The following KCNIP4 variants were observed in gnomAD, a reference collection of about 807,000 sequenced individuals.
The protein encoded by KCNIP4 is Kv channel-interacting protein 4.
KCNIP4 carries 12 observed loss-of-function variants against 34.0 expected under a neutral mutation model. That is an observed-to-expected ratio of 0.35 (90% CI 0.23 to 0.57). The LOEUF is 0.57. KCNIP4 is among the 20% of genes least tolerant of loss of function. The probability of loss-of-function intolerance (pLI) is 0.83; values close to 1 mark genes in which losing one functional copy is unlikely to be tolerated. For synonymous variants in KCNIP4, 124 were observed against 102.2 expected (o/e 1.21, Z -1.29); for missense variants, 238 against 311.7 (o/e 0.76, Z 1.78).
intron 1 of KCNIP4, among the ~76,000 whole-genome samples, chr4:21,714,862 T>C (rs1716402035): frequency 0.012 from 2 of 172 alleles, no homozygotes; most frequent in Non-Finnish European, 0.018. Context: ...TTATTTTATT[T>C]TATTTTATTT....
At chr4:21,424,313 C>A (rs569022694) in intron 1 of KCNIP4, among the ~76,000 whole-genome samples, 115 of 151,820 alleles carry the variant, frequency 7.6e-4, no homozygotes, top group African/African-American at 2.8e-3. Flanking sequence ...TGGCTCATGC[C>A]TGTAATCCCT....
chr4:21,721,891 A>G (rs1221938918), intron 1 of KCNIP4, among the ~76,000 whole-genome samples: 2 of 152,224 alleles, frequency 1.3e-5, no homozygotes, highest in Non-Finnish European at 2.9e-5. Context: ...TCCAAATTAT[A>G]TGCTGTGTTC....
intron 1 of KCNIP4, among the ~76,000 whole-genome samples, chr4:21,234,330 A>AC (rs1326007268): frequency 1.1e-5 from 1 of 91,828 alleles, no homozygotes; most frequent in Non-Finnish European, 1.8e-5. Context: ...AACATATATA[A>AC]ATTATATATA....
chr4:20,958,841 T>A (rs1216225299), intron 1 of KCNIP4, among the ~76,000 whole-genome samples: 1 of 152,220 alleles, frequency 6.6e-6, no homozygotes, highest in Non-Finnish European at 1.5e-5. Flanking sequence ...TTCACCAGCA[T>A]GAATACCAGC....
At chr4:21,483,291 T>C (rs1037890152) in intron 1 of KCNIP4, among the ~76,000 whole-genome samples, 7 of 151,974 alleles carry the variant, frequency 4.6e-5, no homozygotes, top group Non-Finnish European at 8.8e-5. Flanking sequence ...TTTAAAATTC[T>C]TCATCAAATT....
Position 21,948,733 on chromosome 4 carries a change from C to A in KCNIP4, c.-102G>T. The A allele has an allele frequency of 7.8e-7, 1 of 1,274,628 alleles. No homozygotes were observed. The highest frequency in any genetic ancestry group is 1.0e-6 in the Non-Finnish European group (1 of 994,886). The allele number at this position is 1,274,628 out of a possible 1,614,324, so 79.0% of individuals were successfully genotyped here. ...AGCGCACCGCCGCTCGGCCCGGGGGCGTCCGTGGCGCTGGGAGCGAGAGCT... is the reference window on the plus strand; with the variant it reads ...AGCGCACCGCCGCTCGGCCCGGGGGAGTCCGTGGCGCTGGGAGCGAGAGCT... On this transcript the variant is annotated 5_prime_UTR_variant, in exon 1 of 9. Coordinates refer to ENST00000382152, the MANE Select transcript of KCNIP4 (RefSeq NM_025221.6).
intron 1 of KCNIP4, among the ~76,000 whole-genome samples, chr4:21,116,753 C>A (rs765920436): frequency 6.6e-6 from 1 of 152,132 alleles, no homozygotes; most frequent in Non-Finnish European, 1.5e-5. Flanking sequence ...CATGCCCTGC[C>A]CTGGTCAAAC....
intron 1 of KCNIP4, among the ~76,000 whole-genome samples, chr4:21,132,115 T>C (rs1288631657): frequency 6.6e-6 from 1 of 152,208 alleles, no homozygotes; most frequent in Non-Finnish European, 1.5e-5. Flanking sequence ...ATTTAAAATG[T>C]GAAAAAAAGA....
Position 21,400,514 on chromosome 4 carries a change from T to C in KCNIP4, c.62-517805A>G, listed in dbSNP as rs55732991. ...TCTCCCCTCCCTTCCCCTCCCTTCC[T>C]CTTCTCTTCTCTTCTCTTCTCTTCT... On this transcript the variant is annotated intron_variant, in intron 1 of 8. Coordinates refer to ENST00000382152, the MANE Select transcript of KCNIP4 (RefSeq NM_025221.6). Among the ~76,000 whole-genome samples the C allele has an allele frequency of 2.4e-3, 78 of 33,084 alleles. 4 individuals are homozygous for C. Among genetic ancestry groups the C allele is most frequent in the African/African-American group, 9.2e-3 (73 of 7,926 alleles). The allele number at this position is 33,084 out of a possible 152,430, so 21.7% of individuals were successfully genotyped here. A position where few individuals can be genotyped will look rare whatever the true frequency, so the allele number is the denominator to read the frequency against.
chr4:21,269,687 G>A (rs918827640), intron 1 of KCNIP4, among the ~76,000 whole-genome samples: 14 of 152,096 alleles, frequency 9.2e-5, no homozygotes, highest in Non-Finnish European at 1.3e-4. Flanking sequence ...GAGCCACTGC[G>A]CCCGCCCCAG....
intron 1 of KCNIP4, among the ~76,000 whole-genome samples, chr4:21,267,904 G>C (rs1761914759): frequency 1.3e-5 from 2 of 151,290 alleles, no homozygotes; most frequent in Admixed American, 1.3e-4. Flanking sequence ...CTATTGATTG[G>C]AATAGTTTCA....
intron 3 of KCNIP4, among the ~76,000 whole-genome samples, chr4:20,796,524 T>C (rs1713487131): frequency 6.6e-6 from 1 of 152,080 alleles, no homozygotes; most frequent in Admixed American, 6.6e-5. Flanking sequence ...TGCCTAACTC[T>C]TCACCTTGTT....
intron 3 of KCNIP4, among the ~76,000 whole-genome samples, chr4:20,821,579 T>C (rs4643804): frequency 0.47 from 70,843 of 151,932 alleles, 17,626 homozygotes; most frequent in Non-Finnish European, 0.57. Context: ...GGTGCACCTG[T>C]TACCTGAGCA....
chr4:21,280,618 G>T (rs1762717310), intron 1 of KCNIP4, among the ~76,000 whole-genome samples: 1 of 152,102 alleles, frequency 6.6e-6, no homozygotes, highest in Non-Finnish European at 1.5e-5. Flanking sequence ...TTCCCCAAAA[G>T]TCCAAATTTT....
At chr4:21,032,364 T>G (rs944329277) in intron 1 of KCNIP4, among the ~76,000 whole-genome samples, 1 of 152,108 alleles carries the variant, frequency 6.6e-6, no homozygotes, top group Non-Finnish European at 1.5e-5. Context: ...GAATGTACTT[T>G]CCTCTTGAAC....
chr4:21,495,002 G>A (rs555668486), intron 1 of KCNIP4, among the ~76,000 whole-genome samples: 33 of 152,120 alleles, frequency 2.2e-4, no homozygotes, highest in African/African-American at 7.9e-4. Flanking sequence ...GATAACCAAA[G>A]AAATACATTA....
chr4:21,331,402 T>A (rs1336967447), intron 1 of KCNIP4, among the ~76,000 whole-genome samples: 1 of 152,158 alleles, frequency 6.6e-6, no homozygotes, highest in Non-Finnish European at 1.5e-5. Flanking sequence ...TACATTATCA[T>A]GTTCCTGTTG....
chr4:21,720,016 AAGGAGAAGG>A (rs1277013384), intron 1 of KCNIP4, among the ~76,000 whole-genome samples: 19 of 123,486 alleles, frequency 1.5e-4, no homozygotes, highest in African/African-American at 4.9e-4. Flanking sequence ...GAAGAAGAAG[AAGGAGAAGG>A]AGAAGGAGAA....
chr4:20,859,790 G>A (rs1365690838), intron 2 of KCNIP4, among the ~76,000 whole-genome samples: 4 of 152,150 alleles, frequency 2.6e-5, no homozygotes, highest in African/African-American at 7.2e-5. Flanking sequence ...GGAACATCTT[G>A]CCTTACGAAC....
Sources: allele counts gnomAD v4.1 joint callset (sites outside exome capture counted in the v4.1 genomes callset), GRCh38; gene constraint gnomAD v4.1.1; transcripts MANE v1.5; gene names NCBI Gene and HGNC (gene_info 2026-07-23, HGNC 2026-07-21).